Variants in ATP10B observed in about 807,000 individuals in gnomAD.
ATP10B encodes phospholipid-transporting ATPase VB.
A neutral mutation model predicts 141.2 loss-of-function variants in ATP10B; 122 were observed. The observed-to-expected ratio is 0.86, with a 90% CI of 0.75 to 1.00. ATP10B has a LOEUF of 1.00. ATP10B is among the 50% of genes least tolerant of loss of function. The probability of loss-of-function intolerance (pLI) is 0.00; values close to 1 mark genes in which losing one functional copy is unlikely to be tolerated. For missense variants in ATP10B, 1,876 were observed against 1,825.3 expected (o/e 1.03, Z -0.51); for synonymous variants, 685 against 692.0 (o/e 0.99, Z 0.16).
intron 2 of ATP10B, among the ~76,000 whole-genome samples, chr5:160,782,633 G>C (rs888820729): frequency 6.6e-6 from 1 of 152,108 alleles, no homozygotes; most frequent in Admixed American, 6.6e-5. Flanking sequence ...AGCAATATGT[G>C]CAGAGAAATA....
At chr5:160,792,401 G>A (rs1771641765) in intron 1 of ATP10B, among the ~76,000 whole-genome samples, 1 of 152,152 alleles carries the variant, frequency 6.6e-6, no homozygotes, top group Non-Finnish European at 1.5e-5. Context: ...TGTTGGTTGT[G>A]CAGCTAGAGA....
chr5:160,779,224 T>C (rs1770557943), intron 2 of ATP10B, among the ~76,000 whole-genome samples: 1 of 152,204 alleles, frequency 6.6e-6, no homozygotes, highest in Non-Finnish European at 1.5e-5. Context: ...TGCAGCATTG[T>C]ATATAAAAGG....
At chr5:160,895,391 G>A in the ATP10B span, among the ~76,000 whole-genome samples, 1 of 151,634 alleles carries the variant, frequency 6.6e-6, no homozygotes, top group Non-Finnish European at 1.5e-5. Context: ...AAAAAAATGA[G>A]GGGTTGCAAT....
chr5:160,664,319 CT>C (rs1351869631), intron 7 of ATP10B, among the ~76,000 whole-genome samples: 1 of 152,190 alleles, frequency 6.6e-6, no homozygotes, highest in Non-Finnish European at 1.5e-5. Flanking sequence ...AAATTTCTCC[CT>C]ATTGGATCTC....
chr5:160,673,794 G>C (rs964921803), intron 6 of ATP10B, among the ~76,000 whole-genome samples: 1 of 152,136 alleles, frequency 6.6e-6, no homozygotes, highest in Non-Finnish European at 1.5e-5. Context: ...CTTCTTCAAA[G>C]TAGCCCTGGG....
intron 1 of ATP10B, among the ~76,000 whole-genome samples, chr5:160,823,551 T>C (rs1278473136): frequency 6.6e-6 from 1 of 152,202 alleles, no homozygotes. Context: ...GAACTTAAAA[T>C]TAAAATTTAA....
rs779418363 is a variant in ATP10B at position 160,632,213 on chromosome 5, C to T, written c.1536G>A (p.Arg512=). 2.5e-6 allele frequency: 4 copies of T among 1,614,040 alleles called. No individual in the cohort carries two copies. Among genetic ancestry groups the T allele is most frequent in the Admixed American group, 1.7e-5 (1 of 60,000 alleles). The change falls in exon 13 of 26, where the codon CGG becomes CGA. Residue 512 remains arginine, a synonymous_variant. Coordinates refer to ENST00000327245, the MANE Select transcript of ATP10B (RefSeq NM_025153.3). ...AQPLRRSQSA[R]VPIQGHYRQR... ...GCCGGTAGTGGCCCTGGATGGGCAC[C>T]CGGGCACTCTGGCTCCTCCTCAGAG...
At position 160,617,973 on chromosome 5, in the gene ATP10B, A is replaced by G. The variant is rs748415247; in HGVS notation, c.2417T>C (p.Val806Ala). Residue 806 changes from valine (V) to alanine (A), a missense_variant and splice_region_variant, in exon 16 of 26, where the codon GTA (valine) becomes GCA (alanine). By Grantham distance (64) the Val-to-Ala change is moderately conservative. Coordinates refer to ENST00000327245, the MANE Select transcript of ATP10B (RefSeq NM_025153.3). ...IMDLLEDPACVPDINMEKKLR... is the reference protein window; with the variant it reads ...IMDLLEDPACAPDINMEKKLR... Reference sequence around the variant, plus strand: ...CTTCTTTTCCATATTAATGTCAGGTACTGTCAAATAGCCATTTTCCCGCAT... The same window carrying G: ...CTTCTTTTCCATATTAATGTCAGGTGCTGTCAAATAGCCATTTTCCCGCAT... 1.9e-6 allele frequency: 3 copies of G among 1,613,156 alleles called. No homozygotes were observed. In the East Asian group the frequency reaches 6.7e-5, roughly 36 times the overall value.
chr5:160,884,266 A>G, the ATP10B span, among the ~76,000 whole-genome samples: 1 of 152,100 alleles, frequency 6.6e-6, no homozygotes, highest in Non-Finnish European at 1.5e-5. Flanking sequence ...AATAAACCCA[A>G]TGTGTGTAAG....
intron 2 of ATP10B, among the ~76,000 whole-genome samples, chr5:160,766,172 T>C (rs894561948): frequency 3.9e-5 from 6 of 152,068 alleles, no homozygotes; most frequent in Non-Finnish European, 8.8e-5. Flanking sequence ...AAAGTAGAAC[T>C]ACCATTTGAT....
chr5:160,580,875 G>C (rs528172689), intron 24 of ATP10B, among the ~76,000 whole-genome samples: 167 of 152,188 alleles, frequency 1.1e-3, no homozygotes, highest in Non-Finnish European at 1.1e-3. Context: ...CTTCTTCCTG[G>C]TTTAGTCTTG....
chr5:160,832,911 T>C (rs1380268267), intron 1 of ATP10B, among the ~76,000 whole-genome samples: 1 of 152,112 alleles, frequency 6.6e-6, no homozygotes, highest in Non-Finnish European at 1.5e-5. Context: ...CACATTAGAA[T>C]CCTGGGCAAA....
chr5:160,705,544 G>T (rs2127765631), intron 3 of ATP10B, among the ~76,000 whole-genome samples: 1 of 152,278 alleles, frequency 6.6e-6, no homozygotes, highest in South Asian at 2.1e-4. Flanking sequence ...TTACAGGTGT[G>T]AGCCACCATG....
At chr5:160,845,315 A>C (rs535605474) in intron 1 of ATP10B, among the ~76,000 whole-genome samples, 1 of 152,284 alleles carries the variant, frequency 6.6e-6, no homozygotes, top group East Asian at 1.9e-4. Context: ...AAAGAGCCAG[A>C]CACCAAGGAA....
intron 25 of ATP10B, among the ~76,000 whole-genome samples, chr5:160,566,682 G>A (rs887960332): frequency 3.3e-5 from 5 of 152,134 alleles, no homozygotes; most frequent in African/African-American, 1.2e-4. Context: ...GTGTAGGCAA[G>A]GAAAGGGGTG....
In ATP10B at chr5:160,563,882, T is replaced by G. The variant is rs1754393158; in HGVS notation, c.*1571A>C. The G allele has an allele frequency of 1.3e-5, 2 of 152,234 alleles. No homozygotes were observed. Among genetic ancestry groups the G allele is most frequent in the South Asian group, 4.1e-4 (2 of 4,834 alleles). The allele number at this position is 152,234 out of a possible 1,614,324, so 9.4% of individuals were successfully genotyped here. A position where few individuals can be genotyped will look rare whatever the true frequency, so the allele number is the denominator to read the frequency against. ...CTTATTGGGCAATCCTCATGCAGGATTCCTCCAAATACCCACCAGCTGGCT... is the reference window on the plus strand; with the variant it reads ...CTTATTGGGCAATCCTCATGCAGGAGTCCTCCAAATACCCACCAGCTGGCT... On this transcript the variant is annotated 3_prime_UTR_variant, in exon 26 of 26. Coordinates refer to ENST00000327245, the MANE Select transcript of ATP10B (RefSeq NM_025153.3).
At chr5:160,761,915 C>T (rs1013202725) in intron 2 of ATP10B, among the ~76,000 whole-genome samples, 10 of 152,052 alleles carry the variant, frequency 6.6e-5, no homozygotes, top group African/African-American at 2.2e-4. Context: ...AACAGGTACA[C>T]TTAGAGAAAT....
intron 2 of ATP10B, among the ~76,000 whole-genome samples, chr5:160,749,641 C>T (rs1187533729): frequency 1.3e-5 from 2 of 152,156 alleles, no homozygotes; most frequent in Non-Finnish European, 2.9e-5. Context: ...GGGTCTCATA[C>T]CTGGCATTTA....
chr5:160,757,240 C>T (rs1256460612), intron 2 of ATP10B, among the ~76,000 whole-genome samples: 1 of 152,168 alleles, frequency 6.6e-6, no homozygotes, highest in Admixed American at 6.5e-5. Flanking sequence ...TTGTCAAAAT[C>T]ATTTGTATGG....
Sources: gnomAD v4.1 joint callset for allele counts (sites outside exome capture counted in the v4.1 genomes callset) on GRCh38, gnomAD v4.1.1 for gene constraint, MANE v1.5 for transcripts, NCBI Gene and HGNC (gene_info 2026-07-23, HGNC 2026-07-21) for gene names.